Variants in IGF2BP3 observed in about 807,000 individuals in gnomAD.
The protein encoded by IGF2BP3 is insulin like growth factor 2 mRNA binding protein 3.
IGF2BP3 carries 9 observed loss-of-function variants against 73.8 expected under a neutral mutation model. The observed-to-expected ratio is 0.12, with a 90% CI of 0.07 to 0.21. IGF2BP3 has a LOEUF of 0.21. Among genes scored for constraint, IGF2BP3 ranks in the 10% least tolerant of loss-of-function variants. The pLI is 1.00. For synonymous variants in IGF2BP3, 258 were observed against 256.7 expected (o/e 1.01, Z -0.05); for missense variants, 542 against 714.0 (o/e 0.76, Z 2.75).
At chr7:23,347,928 C>T in intron 6 of IGF2BP3, 194 bp from the exon 7 acceptor site, 1 of 554,100 alleles carries the variant, frequency 1.8e-6, no homozygotes, top group South Asian at 2.7e-5. Context: ...AGGAACATTC[C>T]CCTTTCTCTT....
At chr7:23,338,746 T>C (rs1365966642) in intron 10 of IGF2BP3, among the ~76,000 whole-genome samples, 1 of 152,188 alleles carries the variant, frequency 6.6e-6, no homozygotes, top group Non-Finnish European at 1.5e-5. Context: ...GGGATAATTA[T>C]AATTTAAGTA....
At chr7:23,323,201 C>T (rs1237790632) in intron 10 of IGF2BP3, among the ~76,000 whole-genome samples, 1 of 151,766 alleles carries the variant, frequency 6.6e-6, no homozygotes, top group Non-Finnish European at 1.5e-5. Flanking sequence ...CACACATAGG[C>T]TCAAAATAAA....
chr7:23,410,168 T>C (rs777756139), intron 3 of IGF2BP3, among the ~76,000 whole-genome samples: 12 of 151,626 alleles, frequency 7.9e-5, no homozygotes, highest in Non-Finnish European at 1.5e-4. Context: ...CACTCCATCT[T>C]AAAATTTTTT....
intron 3 of IGF2BP3, among the ~76,000 whole-genome samples, chr7:23,375,159 C>T (rs1277945707): frequency 6.6e-6 from 1 of 151,938 alleles, no homozygotes; most frequent in Non-Finnish European, 1.5e-5. Flanking sequence ...AGCAATTATC[C>T]CCATTTCATA....
At chr7:23,330,531 C>G (rs1028695360) in intron 10 of IGF2BP3, among the ~76,000 whole-genome samples, 2 of 151,874 alleles carry the variant, frequency 1.3e-5, no homozygotes, top group African/African-American at 4.8e-5. Context: ...AAGCTTAAAC[C>G]TATGATCATC....
chr7:23,417,440 T>C (rs1787223365), intron 3 of IGF2BP3, among the ~76,000 whole-genome samples: 1 of 152,106 alleles, frequency 6.6e-6, no homozygotes, highest in Admixed American at 6.5e-5. Flanking sequence ...ATACGGCAAA[T>C]ACCCAGAATA....
chr7:23,412,573 T>C (rs575739658), intron 3 of IGF2BP3, among the ~76,000 whole-genome samples: 3 of 152,112 alleles, frequency 2.0e-5, no homozygotes, highest in Non-Finnish European at 2.9e-5. Context: ...CATAGGCTGT[T>C]TCCCCACACA....
In IGF2BP3 at chr7:23,321,429, C is replaced by T. The variant is rs191002954; in HGVS notation, c.1204-2175G>A. Among the ~76,000 whole-genome samples the T allele has an allele frequency of 1.7e-3, 255 of 152,322 alleles. 1 individual carries two copies. Among genetic ancestry groups the T allele is most frequent in the East Asian group, 8.5e-3 (44 of 5,176 alleles). On this transcript the variant is annotated intron_variant, in intron 10 of 14. Coordinates refer to ENST00000258729, the MANE Select transcript of IGF2BP3 (RefSeq NM_006547.3). ...CCTGGCTCGGAGGGTCGTACGCCCA[C>T]GGAGTCTCGCTGATTGCTAGCACAG...
intron 2 of IGF2BP3, among the ~76,000 whole-genome samples, chr7:23,455,161 T>TA (rs1788287901): frequency 6.6e-6 from 1 of 152,196 alleles, no homozygotes. Flanking sequence ...TGGCATGAAC[T>TA]AAACTACTTA....
chr7:23,392,783 C>A (rs1379821241), intron 3 of IGF2BP3, among the ~76,000 whole-genome samples: 2 of 152,068 alleles, frequency 1.3e-5, no homozygotes, highest in Non-Finnish European at 2.9e-5. Flanking sequence ...ACGTGGGCCA[C>A]CACGCCTGGC....
chr7:23,319,490 T>C (rs1784078518), intron 10 of IGF2BP3, among the ~76,000 whole-genome samples: 1 of 152,222 alleles, frequency 6.6e-6, no homozygotes. Flanking sequence ...CCTTAAACTT[T>C]AAAATGTCAC....
chr7:23,457,987 C>T (rs565641263), intron 2 of IGF2BP3, among the ~76,000 whole-genome samples: 1 of 152,158 alleles, frequency 6.6e-6, no homozygotes, highest in Non-Finnish European at 1.5e-5. Context: ...CAAAAGAGAA[C>T]AAAGATCTTC....
At chr7:23,457,527 T>C (rs1402712594) in intron 2 of IGF2BP3, among the ~76,000 whole-genome samples, 4 of 152,202 alleles carry the variant, frequency 2.6e-5, no homozygotes, top group Non-Finnish European at 5.9e-5. Context: ...GTAGGTACAC[T>C]TGAATAAAGT....
chr7:23,374,393 G>A (rs1785653266), intron 3 of IGF2BP3, among the ~76,000 whole-genome samples: 1 of 152,148 alleles, frequency 6.6e-6, no homozygotes, highest in Admixed American at 6.5e-5. Flanking sequence ...GGCTGGGCAT[G>A]GTGGCTCAAA....
intron 2 of IGF2BP3, among the ~76,000 whole-genome samples, chr7:23,431,588 A>T (rs1344323182): frequency 6.6e-6 from 1 of 152,192 alleles, no homozygotes; most frequent in Non-Finnish European, 1.5e-5. Flanking sequence ...TTCCTGCAAC[A>T]GTTAAAAAGA....
intron 3 of IGF2BP3, among the ~76,000 whole-genome samples, chr7:23,417,730 C>A (rs535766650): frequency 6.6e-6 from 1 of 152,226 alleles, no homozygotes; most frequent in South Asian, 2.1e-4. Flanking sequence ...CACTTGAGGA[C>A]CTATCCCACA....
At chr7:23,440,757 C>G (rs145820713) in intron 2 of IGF2BP3, among the ~76,000 whole-genome samples, 154 of 152,276 alleles carry the variant, frequency 1.0e-3, no homozygotes, top group African/African-American at 3.5e-3. Context: ...TTTACGCAGG[C>G]TCTACTAGGG....
chr7:23,387,053 A>C (rs1230876873), intron 3 of IGF2BP3, among the ~76,000 whole-genome samples: 2 of 151,156 alleles, frequency 1.3e-5, no homozygotes, highest in African/African-American at 4.9e-5. Context: ...GCAACACGGC[A>C]AGACTCTGTC....
chr7:23,376,202 C>G (rs1322101749), intron 3 of IGF2BP3, among the ~76,000 whole-genome samples: 2 of 152,172 alleles, frequency 1.3e-5, no homozygotes, highest in Non-Finnish European at 2.9e-5. Flanking sequence ...TGGAAGAAGT[C>G]TTAAACTCTG....
Sources: allele counts gnomAD v4.1 joint callset (sites outside exome capture counted in the v4.1 genomes callset), GRCh38; gene constraint gnomAD v4.1.1; transcripts MANE v1.5; gene names NCBI Gene and HGNC (gene_info 2026-07-23, HGNC 2026-07-21).